Variants in TLR1 observed in about 807,000 individuals in gnomAD.
The protein encoded by TLR1 is toll like receptor 1.
In TLR1, 19 loss-of-function variants were observed where a neutral mutation model predicts 20.2. That is an observed-to-expected ratio of 0.94 (90% CI 0.66 to 1.38). TLR1 has a LOEUF of 1.38. TLR1 is among the 40% of genes most tolerant of loss of function. The pLI is 0.00. For missense variants in TLR1, 921 were observed against 910.0 expected (o/e 1.01, Z -0.16); for synonymous variants, 320 against 334.5 (o/e 0.96, Z 0.47).
chr4:38,788,139 AAG>A (rs145731598), downstream of TLR1, among the ~76,000 whole-genome samples: 21,885 of 152,194 alleles, frequency 0.14, 2,143 homozygotes, highest in East Asian at 0.38. Context: ...TTAAAGAGGA[AAG>A]AGAGAAATGG....
At chr4:38,792,323 A>G (rs1725765067), downstream of TLR1, among the ~76,000 whole-genome samples, 2 of 152,222 alleles carry the variant, frequency 1.3e-5, 1 homozygote, top group South Asian at 4.1e-4. Flanking sequence ...TCAAGTACAG[A>G]AAAGTATAAA....
chr4:38,797,142 C>T lies in TLR1; in HGVS notation c.1690G>A (p.Gly564Arg), dbSNP rs372658963. ...YKCDYPESYR[G>R]TLLKDFHMSE... is the part of the protein sequence containing the mutation. ...ATGTGAAAGTCCTTTAGTAGGGTTC[C>T]TCTATAACTTTCCGGGTAGTCACAC... Residue 564 changes from glycine (G) to arginine (R), a missense_variant, in exon 4 of 4, where the codon GGA becomes AGA. By Grantham distance (125) the Gly-to-Arg change is moderately radical. Transcript: ENST00000308979. 1.2e-6 allele frequency: 2 copies of T among 1,614,110 alleles called. No homozygotes were observed. Among genetic ancestry groups the T allele is most frequent in the Non-Finnish European group, 8.5e-7 (1 of 1,180,054 alleles).
rs1432048521 is a variant in TLR1 at position 38,797,743 on chromosome 4, C to A, written c.1089G>T (p.Thr363=). The part of the protein sequence containing the change: ...LDFSNNLLTD[T]VFENCGHLTE... ...TAAGGTGCCCACAATTTTCAAAAAC[C>A]GTGTCTGTTAAGAGATTATTGGAAA... Residue 363 remains threonine (T), a synonymous_variant, in exon 4 of 4, where the codon ACG becomes ACT. Coordinates refer to ENST00000308979, the MANE Select transcript of TLR1 (RefSeq NM_003263.4). 2.5e-6 allele frequency: 4 copies of A among 1,613,894 alleles called. No individual in the cohort carries two copies. The highest frequency in any genetic ancestry group is 3.4e-6 in the Non-Finnish European group (4 of 1,179,952).
intron 2 of TLR1, among the ~76,000 whole-genome samples, chr4:38,803,949 G>T (rs536377669): frequency 6.6e-6 from 1 of 152,132 alleles, no homozygotes; most frequent in Non-Finnish European, 1.5e-5. Context: ...TCAAGGCTTT[G>T]ACTGGTCTTA....
intron 2 of TLR1, among the ~76,000 whole-genome samples, chr4:38,802,589 A>T (rs1726744295): frequency 6.6e-6 from 1 of 152,234 alleles, no homozygotes; most frequent in Non-Finnish European, 1.5e-5. Flanking sequence ...CCTGCCAACA[A>T]ATAAGCCCCA....
chr4:38,789,058 A>T (rs1725660537), downstream of TLR1, among the ~76,000 whole-genome samples: 1 of 152,220 alleles, frequency 6.6e-6, no homozygotes, highest in Admixed American at 6.5e-5. Context: ...AGTAGTAAAT[A>T]CTCAGAACTC....
At chr4:38,796,030 C>T (rs147984056), downstream of TLR1, among the ~76,000 whole-genome samples, 374 of 152,194 alleles carry the variant, frequency 2.5e-3, 2 homozygotes, top group Non-Finnish European at 4.4e-3. Context: ...GCTTTATCAA[C>T]GAGCAGCCAT....
intron 3 of TLR1, among the ~76,000 whole-genome samples, chr4:38,800,062 G>T (rs1560461909): frequency 1.3e-5 from 2 of 152,136 alleles, no homozygotes; most frequent in Non-Finnish European, 2.9e-5. Flanking sequence ...ATTTTTGAGT[G>T]ATTAGTTAGA....
At position 38,798,008 on chromosome 4, in the gene TLR1, T is replaced by C. The variant is rs972710030; in HGVS notation, c.824A>G (p.Tyr275Cys). ...TAGCTTCACGTTTGAAATTGAGAAA[T>C]ACCATACAGTTGTATGCCAAACCAG... ...LQLVWHTTVW[Y>C]FSISNVKLQG... The change falls in exon 4 of 4, where the codon TAT (tyrosine) becomes TGT (cysteine). Residue 275 changes from tyrosine (Y) to cysteine (C), a missense_variant. Physicochemically the swap from Tyr to Cys is radical, Grantham distance 194. Transcript: ENST00000308979. 2 of 1,614,130 alleles carry C rather than the reference T, an allele frequency of 1.2e-6. No homozygotes were observed. Among genetic ancestry groups the C allele is most frequent in the Non-Finnish European group, 1.7e-6 (2 of 1,180,022 alleles).
At chr4:38,792,043 T>C (rs2109335816), downstream of TLR1, among the ~76,000 whole-genome samples, 1 of 152,302 alleles carries the variant, frequency 6.6e-6, no homozygotes. Context: ...CACCGATTTC[T>C]AAAACAACCA....
rs764901169 is a variant in TLR1, at chr4:38,798,225, G to A, written c.607C>T (p.His203Tyr). ...HIVFPTNKEF[H>Y]FILDVSVKTV... ...TTGACTGACACATCCAAAATAAAAT[G>A]GAATTCTTTGTTTGTGGGGAACACA... Residue 203 changes from histidine (H) to tyrosine (Y), a missense_variant, in exon 4 of 4, where the codon CAT (histidine) becomes TAT (tyrosine). His to Tyr is a moderately conservative substitution (Grantham distance 83). Coordinates refer to ENST00000308979, the MANE Select transcript of TLR1 (RefSeq NM_003263.4). The A allele has an allele frequency of 2.5e-6, 4 of 1,613,604 alleles. No individual in the cohort carries two copies. The highest frequency in any genetic ancestry group is 3.3e-4 in the Middle Eastern group (2 of 6,084).
intron 3 of TLR1, 63 bp from the exon 4 acceptor site, chr4:38,798,961 G>T: frequency 2.4e-6 from 2 of 835,484 alleles, no homozygotes; most frequent in Non-Finnish European, 3.5e-6. Flanking sequence ...CACGAAATTA[G>T]TCATGGCTGA....
Position 38,796,331 on chromosome 4 carries a change from G to A in TLR1, c.*140C>T, listed in dbSNP as rs991711763. 3.4e-5 allele frequency: 30 copies of A among 878,788 alleles called. No homozygotes were observed. The highest frequency in any genetic ancestry group is 3.1e-4 in the Middle Eastern group (1 of 3,180). 54.4% of individuals were successfully genotyped at this position (878,788 alleles called of 1,614,324 possible). On this transcript the variant is annotated 3_prime_UTR_variant, in exon 4 of 4. Coordinates refer to ENST00000308979, the MANE Select transcript of TLR1 (RefSeq NM_003263.4). ...ATACCACATATAAATGGTGAACTGC[G>A]ACCCGAAGGTATATATTTTTACCTA...
At position 38,798,771 on chromosome 4, in the gene TLR1, A is replaced by C. The variant is rs774505118; in HGVS notation, c.61T>G (p.Leu21Val). 4 of 1,611,772 alleles carry C rather than the reference A, an allele frequency of 2.5e-6. No individual in the cohort carries two copies. Among genetic ancestry groups the C allele is most frequent in the Non-Finnish European group, 3.4e-6 (4 of 1,179,696 alleles). ...FMLILQIRIQ[L>V]SEESEFLVDR... ...ACTAAAAATTCACTTTCTTCAGATA[A>C]TTGTATTCTGATCTGAAGTATTAAC... Residue 21 changes from leucine to valine, a missense_variant, in exon 4 of 4, where the codon TTA becomes GTA. Transcript: ENST00000308979.
chr4:38,798,747 C>A lies in TLR1; in HGVS notation c.85G>T (p.Val29Phe), dbSNP rs746416913. The change falls in exon 4 of 4, where the codon GTT (valine) becomes TTT (phenylalanine). Residue 29 changes from valine (V) to phenylalanine (F), a missense_variant. Val to Phe is a conservative substitution (Grantham distance 50). Transcript: ENST00000308979. ...IQLSEESEFL[V>F]DRSKNGLIHV... ...ATGAGACCGTTTTTTGACCTATCAA[C>A]TAAAAATTCACTTTCTTCAGATAAT... 5 of 1,612,528 alleles carry A rather than the reference C, an allele frequency of 3.1e-6. No homozygotes were observed. In the Admixed American group the frequency reaches 8.4e-5, roughly 27 times the overall value.
chr4:38,802,087 C>T (rs1726702818), intron 2 of TLR1, among the ~76,000 whole-genome samples: 2 of 152,146 alleles, frequency 1.3e-5, no homozygotes, highest in South Asian at 4.1e-4. Context: ...ATCCCAGCTA[C>T]TGGGGAAGCT....
chr4:38,795,989 T>G (rs1726020882), downstream of TLR1, among the ~76,000 whole-genome samples: 1 of 152,090 alleles, frequency 6.6e-6, no homozygotes, highest in South Asian at 2.1e-4. Flanking sequence ...GGTGGGGGGT[T>G]GGGGAGGAAC....
At chr4:38,793,895 A>C (rs1725868548), downstream of TLR1, among the ~76,000 whole-genome samples, 1 of 152,004 alleles carries the variant, frequency 6.6e-6, no homozygotes, top group South Asian at 2.1e-4. Context: ...AAAAAAAAAA[A>C]AGAATTTTGG....
At position 38,796,904 on chromosome 4, in the gene TLR1, T is replaced by A. The variant is rs768377863; in HGVS notation, c.1928A>T (p.Tyr643Phe). The A allele has an allele frequency of 3.1e-6, 5 of 1,614,250 alleles. No individual in the cohort carries two copies. The highest frequency in any genetic ancestry group is 4.2e-6 in the Non-Finnish European group (5 of 1,180,050). The stretch of plus-strand genomic sequence containing the variant: ...CACCCAGAAAGAATCGTGCCCACTA[T>A]ATGAAATAAATGCATGAAACTGGAG... ...RNLQFHAFIS[Y>F]SGHDSFWVKN... The change falls in exon 4 of 4, where the codon TAT becomes TTT. Residue 643 changes from tyrosine (Y) to phenylalanine (F), a missense_variant. Physicochemically the swap from Tyr to Phe is conservative, Grantham distance 22 (BLOSUM62 3). Transcript: ENST00000308979.
Sources: allele counts gnomAD v4.1 joint callset (sites outside exome capture counted in the v4.1 genomes callset), GRCh38; gene constraint gnomAD v4.1.1; transcripts MANE v1.5; gene names NCBI Gene and HGNC (gene_info 2026-07-23, HGNC 2026-07-21).